Variants in EPB41L1 observed in about 807,000 individuals in gnomAD.
EPB41L1 encodes the protein band 4.1-like protein 1.
EPB41L1 carries 29 observed loss-of-function variants against 97.8 expected under a neutral mutation model. The ratio of observed to expected loss-of-function variants is 0.30; its 90% confidence interval spans 0.22 to 0.40. The LOEUF is 0.40. EPB41L1 is among the 10% of genes least tolerant of loss of function. EPB41L1 has a pLI of 1.00. For missense variants in EPB41L1, 812 were observed against 1,162.3 expected (o/e 0.70, Z 4.38); for synonymous variants, 383 against 459.2 (o/e 0.83, Z 2.12).
chr20:36,178,011 G>A lies in EPB41L1; in HGVS notation c.402G>A (p.Glu134=), dbSNP rs763927534. ...DLVCEHLNLL[E]KDYFGLTFCD... ...TCTGTGAACACCTCAACCTCCTAGAGAAGGACTACTTCGGCCTGACCTTCT... is the reference window on the plus strand; with the variant it reads ...TCTGTGAACACCTCAACCTCCTAGAAAAGGACTACTTCGGCCTGACCTTCT... The change falls in exon 4 of 22, where the codon GAG becomes GAA. Residue 134 remains glutamate, a synonymous_variant. Coordinates refer to ENST00000338074, the MANE Select transcript of EPB41L1 (RefSeq NM_012156.2). 17 of 1,614,068 alleles carry A rather than the reference G, an allele frequency of 1.1e-5. No individual in the cohort carries two copies. Among genetic ancestry groups the A allele is most frequent in the Middle Eastern group, 1.6e-4 (1 of 6,084 alleles).
chr20:36,177,820 G>A, intron 3 of EPB41L1, 132 bp from the exon 4 acceptor site: 2 of 743,542 alleles, frequency 2.7e-6, no homozygotes, highest in Non-Finnish European at 2.4e-6. Flanking sequence ...TGGGTGGCAG[G>A]AGCGCTGCAT....
At chr20:36,159,944 T>A (rs1051155228) in intron 1 of EPB41L1, among the ~76,000 whole-genome samples, 1 of 152,190 alleles carries the variant, frequency 6.6e-6, no homozygotes, top group Non-Finnish European at 1.5e-5. Context: ...GTCATCAAGA[T>A]TGAATAAGTT....
intron 5 of EPB41L1, among the ~76,000 whole-genome samples, chr20:36,180,544 C>G (rs2061434181): frequency 6.6e-6 from 1 of 152,170 alleles, no homozygotes. Context: ...TCTTGCTTCC[C>G]TGAGGCAATC....
In EPB41L1 at chr20:36,194,294, T is replaced by G. The variant is rs777171577; in HGVS notation, c.1383T>G (p.Ser461=). ...DGDKRDEDGE[S]GGQRSEAEEG... ...ACAAGCGGGATGAGGATGGCGAGTC[T>G]GGGGGGCAACGGTCAGAGGCTGAGG... The change falls in exon 12 of 22, where the codon TCT becomes TCG. Residue 461 remains serine, a synonymous_variant. Transcript: ENST00000338074. The G allele has an allele frequency of 1.2e-6, 2 of 1,614,114 alleles. No homozygotes were observed. Among genetic ancestry groups the G allele is most frequent in the Non-Finnish European group, 1.7e-6 (2 of 1,180,000 alleles).
In EPB41L1 at chr20:36,229,636, G is replaced by A; in HGVS notation, c.*296G>A. 3.4e-6 allele frequency: 1 copy of A among 297,984 alleles called. No homozygotes were observed. The highest frequency in any genetic ancestry group is 1.1e-4 in the South Asian group (1 of 9,024). 18.5% of individuals were successfully genotyped at this position (297,984 alleles called of 1,614,324 possible). Reference sequence around the variant, plus strand: ...TTTGCAGACAAATTGAAGAACTGGTGGGATTTTTTTCAAGAAAAAAAATTA... The same window carrying A: ...TTTGCAGACAAATTGAAGAACTGGTAGGATTTTTTTCAAGAAAAAAAATTA... On this transcript the variant is annotated 3_prime_UTR_variant, in exon 22 of 22. Coordinates refer to ENST00000338074, the MANE Select transcript of EPB41L1 (RefSeq NM_012156.2).
At chr20:36,171,529 T>C (rs1294895830) in intron 1 of EPB41L1, among the ~76,000 whole-genome samples, 1 of 152,120 alleles carries the variant, frequency 6.6e-6, no homozygotes, top group East Asian at 1.9e-4. Context: ...ACAAACCCTC[T>C]CATTTGTACT....
chr20:36,143,945 C>T (rs977587317), intron 2 of EPB41L1, among the ~76,000 whole-genome samples: 2 of 151,966 alleles, frequency 1.3e-5, no homozygotes, highest in African/African-American at 2.4e-5. Flanking sequence ...CTCTGCCTCC[C>T]GGGTTCAAGT....
chr20:36,156,053 G>C (rs1400022864), intron 1 of EPB41L1, among the ~76,000 whole-genome samples: 4 of 152,338 alleles, frequency 2.6e-5, no homozygotes, highest in African/African-American at 9.6e-5. Flanking sequence ...AGAGGCAGCT[G>C]TGTGCCTCTC....
intron 13 of EPB41L1, among the ~76,000 whole-genome samples, chr20:36,196,913 A>C (rs73289639): frequency 2.0e-5 from 3 of 152,190 alleles, no homozygotes; most frequent in Non-Finnish European, 4.4e-5. Context: ...TGACTCTGTC[A>C]TGCTGCACTG....
Position 36,175,560 on chromosome 20 carries a change from A to T in EPB41L1, c.187A>T (p.Met63Leu). The T allele has an allele frequency of 6.2e-7, 1 of 1,614,196 alleles. No individual in the cohort carries two copies. The highest frequency in any genetic ancestry group is 8.5e-7 in the Non-Finnish European group (1 of 1,180,030). Reference protein sequence around the residue: ...DTRPAEQSLDMEEKDYSEADG... With the variant: ...DTRPAEQSLDLEEKDYSEADG... ...TTGCTTGGTCCTGCAGAGCCTAGAC[A>T]TGGAGGAGAAGGACTACAGTGAGGC... is the stretch of plus-strand genomic sequence containing the variant. Residue 63 changes from methionine to leucine, a missense_variant, in exon 3 of 22, where the codon ATG becomes TTG. Coordinates refer to ENST00000338074, the MANE Select transcript of EPB41L1 (RefSeq NM_012156.2).
In EPB41L1 at chr20:36,173,836, A is replaced by G; in HGVS notation, c.59A>G (p.Gln20Arg). Residue 20 changes from glutamine (Q) to arginine (R), a missense_variant, in exon 2 of 22, where the codon CAG becomes CGG. Transcript: ENST00000338074. ...EVKKAQEEAP[Q>R]QPEAAAAVTT... The stretch of plus-strand genomic sequence containing the variant: ...AAGAAAGCTCAGGAGGAGGCCCCGC[A>G]GCAGCCCGAGGCTGCTGCCGCTGTG... 6.2e-7 allele frequency: 1 copy of G among 1,613,622 alleles called. No individual in the cohort carries two copies. Among genetic ancestry groups the G allele is most frequent in the Non-Finnish European group, 8.5e-7 (1 of 1,179,638 alleles).
chr20:36,120,691 C>T (rs748196368), intron 2 of EPB41L1, among the ~76,000 whole-genome samples: 4 of 152,074 alleles, frequency 2.6e-5, no homozygotes, highest in Non-Finnish European at 5.9e-5. Context: ...TCCACTGGGT[C>T]CTGATTTAGT....
Position 36,187,733 on chromosome 20 carries a change from C to T in EPB41L1, c.843C>T (p.Ser281=). 1 of 1,614,000 alleles carries T rather than the reference C, an allele frequency of 6.2e-7. No individual in the cohort carries two copies. The highest frequency in any genetic ancestry group is 2.2e-5 in the East Asian group (1 of 44,862). The change falls in exon 8 of 22, where the codon TCC becomes TCT. Residue 281 remains serine (S), a synonymous_variant. Transcript: ENST00000338074. ...IHFLENAKKL[S]MYGVDLHHAK... ...TCTTAGAGAATGCCAAGAAGCTTTCCATGTACGGAGTAGACCTGCACCATG... is the reference window on the plus strand; with the variant it reads ...TCTTAGAGAATGCCAAGAAGCTTTCTATGTACGGAGTAGACCTGCACCATG...
chr20:36,194,196 T>C lies in EPB41L1; in HGVS notation c.1301-16T>C. On this transcript the variant is annotated splice_polypyrimidine_tract_variant and intron_variant, in intron 11 of 21. Transcript: ENST00000338074. ...GGGGTCTCACATGGTTGCCTGGCTA[T>C]CTCCACCCACTTCAGCAGAGTTCTC... 6.2e-7 allele frequency: 1 copy of C among 1,612,984 alleles called. No homozygotes were observed. The highest frequency in any genetic ancestry group is 1.7e-5 in the Admixed American group (1 of 60,002).
intron 15 of EPB41L1, among the ~76,000 whole-genome samples, chr20:36,211,710 C>T (rs901356297): frequency 3.9e-5 from 6 of 151,942 alleles, no homozygotes; most frequent in African/African-American, 7.3e-5. Flanking sequence ...AAAAGTTAGC[C>T]GGGTGTGGTG....
In EPB41L1 at chr20:36,231,888, C is replaced by G. The variant is rs1285507898; in HGVS notation, c.*2548C>G. The stretch of plus-strand genomic sequence containing the variant: ...AGAGCTGGAGTGGTGGCTCCATCCT[C>G]TCTGGGCCACTTCGGTCTAGGAACT... On this transcript the variant is annotated 3_prime_UTR_variant, in exon 22 of 22. Transcript: ENST00000338074. The G allele has an allele frequency of 6.5e-6, 1 of 152,798 alleles. No homozygotes were observed. The highest frequency in any genetic ancestry group is 6.5e-5 in the Admixed American group (1 of 15,294). The allele number at this position is 152,798 out of a possible 1,614,324, so 9.5% of individuals were successfully genotyped here.
Position 36,092,046 on chromosome 20 carries a change from T to C in EPB41L1, c.-65+434T>C, listed in dbSNP as rs574596749. On this transcript the variant is annotated intron_variant, in intron 1 of 19. Coordinates refer to the EPB41L1 transcript ENST00000202028. The surrounding 1 kb of genome is among the most constrained non-coding windows in gnomAD (Gnocchi z 7.0). ...ATCCCAGAGCCAGGGACTCAGCCCT[T>C]GGAGAGTCCCCAGAGAGTCCAGAGG... is the stretch of plus-strand genomic sequence containing the variant. 3.3e-5 allele frequency among the ~76,000 whole-genome samples: 5 copies of C among 152,174 alleles called. No homozygotes were observed. The highest frequency in any genetic ancestry group is 1.2e-4 in the African/African-American group (5 of 41,538).
In EPB41L1 at chr20:36,159,603, A is replaced by G. The variant is rs188860472; in HGVS notation, c.-15+4707A>G. Among the ~76,000 whole-genome samples, 41 of 152,346 alleles carry G rather than the reference A, an allele frequency of 2.7e-4. 1 individual carries two copies. Among genetic ancestry groups the G allele is most frequent in the Non-Finnish European group, 2.9e-5 (2 of 68,030 alleles). On this transcript the variant is annotated intron_variant, in intron 1 of 21. Transcript: ENST00000338074. ...ATTGTTTCGTCGCAGCATGTTGCTC[A>G]GTGGTTTGCAAATACTTGTCCGATG...
intron 2 of EPB41L1, among the ~76,000 whole-genome samples, chr20:36,134,929 G>A (rs1016725157): frequency 1.4e-5 from 2 of 139,994 alleles, no homozygotes; most frequent in Admixed American, 7.9e-5. Flanking sequence ...GCTTGATCAC[G>A]GCCCACTGCA....
Sources: gnomAD v4.1 joint callset for allele counts (sites outside exome capture counted in the v4.1 genomes callset) on GRCh38, gnomAD v4.1.1 for gene constraint, Gnocchi (gnomAD v3.1) non-coding constraint, MANE v1.5 for transcripts, NCBI Gene and HGNC (gene_info 2026-07-23, HGNC 2026-07-21) for gene names.